GUCY2C: variants seen among roughly 807,000 people sequenced by gnomAD.
GUCY2C encodes the protein guanylate cyclase 2C.
A neutral mutation model predicts 131.1 loss-of-function variants in GUCY2C; 118 were observed. The observed-to-expected ratio is 0.90, with a 90% confidence interval of 0.78 to 1.05. GUCY2C has a LOEUF of 1.05. Ranked by LOEUF, GUCY2C falls within the 50% of genes least tolerant of loss-of-function variation. The pLI is 0.00. For synonymous variants in GUCY2C, 452 were observed against 457.8 expected, an observed-to-expected ratio of 0.99 and a Z score of 0.16; for missense variants, 1,161 against 1,304.4, an observed-to-expected ratio of 0.89 and a Z score of 1.69.
intron 24 of GUCY2C, among the ~76,000 whole-genome samples, chr12:14,617,562 A>T (rs1028011093): frequency 6.6e-6 from 1 of 152,082 alleles, no homozygotes; most frequent in African/African-American, 2.4e-5. Context: ...AGGGGTCTTG[A>T]TTTTCTCAAA....
intron 6 of GUCY2C, among the ~76,000 whole-genome samples, chr12:14,679,361 C>T: frequency 6.6e-6 from 1 of 152,156 alleles, no homozygotes; most frequent in Admixed American, 6.5e-5. Flanking sequence ...TGACCATAGC[C>T]AGCCAGGATT....
At chr12:14,651,186 C>T (rs1402013321) in intron 15 of GUCY2C, among the ~76,000 whole-genome samples, 1 of 152,108 alleles carries the variant, frequency 6.6e-6, no homozygotes, top group African/African-American at 2.4e-5. Flanking sequence ...TCTCTGTTTA[C>T]TCCCCTCCCC....
At position 14,625,350 on chromosome 12, in the gene GUCY2C, C is replaced by T. The variant is rs573184643; in HGVS notation, c.2408+407G>A. ...GCATTTTTTTTTTTTTTTTTTGAGA[C>T]GGAGTCTTGCTCTGTCACCCAGGCT... On this transcript the variant is annotated intron_variant, in intron 21 of 26. Coordinates refer to ENST00000261170, the MANE Select transcript of GUCY2C (RefSeq NM_004963.4). Among the ~76,000 whole-genome samples, 154 of 137,646 alleles carry T rather than the reference C, an allele frequency of 1.1e-3. 2 individuals carry two copies. The highest frequency in any genetic ancestry group is 2.7e-3 in the South Asian group (12 of 4,410). The allele number at this position is 137,646 out of a possible 152,430, so 90.3% of individuals were successfully genotyped here.
intron 3 of GUCY2C, 71 bp from the exon 4 acceptor site, chr12:14,683,328 T>C (rs1948389681): frequency 1.1e-6 from 1 of 927,598 alleles, no homozygotes; most frequent in Non-Finnish European, 1.7e-6. Flanking sequence ...GATCCCTCTT[T>C]AACCTGTTTC....
At chr12:14,694,617 C>T (rs247330) in intron 1 of GUCY2C, among the ~76,000 whole-genome samples, 152,290 of 152,324 alleles carry the variant, frequency 1, 76,128 homozygotes, top group Non-Finnish European at 1. Context: ...AATAAGGGGA[C>T]TTCACTAAAT....
chr12:14,617,919 C>G (rs1056773989), intron 24 of GUCY2C, among the ~76,000 whole-genome samples: 2 of 152,136 alleles, frequency 1.3e-5, no homozygotes, highest in African/African-American at 2.4e-5. Context: ...AATTGTAACC[C>G]AAGTCTGTCT....
intron 10 of GUCY2C, among the ~76,000 whole-genome samples, chr12:14,668,231 C>T (rs990276050): frequency 4.6e-5 from 7 of 151,944 alleles, no homozygotes; most frequent in African/African-American, 7.3e-5. Context: ...AGTGCAGTGG[C>T]GTGATCTTGG....
At chr12:14,634,700 T>C (rs1947224373) in intron 19 of GUCY2C, among the ~76,000 whole-genome samples, 2 of 152,174 alleles carry the variant, frequency 1.3e-5, no homozygotes, top group African/African-American at 4.8e-5. Context: ...GACCCAACTG[T>C]AGGCTGCCTA....
At chr12:14,620,172 G>A (rs1946863135) in intron 23 of GUCY2C, among the ~76,000 whole-genome samples, 1 of 152,106 alleles carries the variant, frequency 6.6e-6, no homozygotes, top group African/African-American at 2.4e-5. Flanking sequence ...TGCCTCTTAG[G>A]GGTCCCTACA....
chr12:14,683,280 A>T (rs145503149), intron 3 of GUCY2C, 23 bp from the exon 4 acceptor site: 8 of 1,501,236 alleles, frequency 5.3e-6, no homozygotes, highest in Non-Finnish European at 7.4e-6. Flanking sequence ...GTTGAGGAAA[A>T]AAGCCATTAT....
At chr12:14,643,445 A>G (rs953349702) in intron 17 of GUCY2C, 129 bp downstream of exon 17, 17 of 737,486 alleles carry the variant, frequency 2.3e-5, no homozygotes, top group African/African-American at 3.5e-5. Flanking sequence ...CTGGAGAATG[A>G]GCCAGCTGTT....
rs1452858782 is a variant in GUCY2C, at chr12:14,618,868, T to C, written c.2875+343A>G. Among the ~76,000 whole-genome samples, 3 of 151,958 alleles carry C rather than the reference T, an allele frequency of 2.0e-5. No individual in the cohort carries two copies. In the East Asian group the frequency reaches 5.8e-4, roughly 29 times the overall value. The stretch of plus-strand genomic sequence containing the variant: ...CAGGAATGTGAACCAGAGTGTGTAG[T>C]TCTTACCTTGCCTACTGATTTTTTT... On this transcript the variant is annotated intron_variant, in intron 24 of 26. Coordinates refer to ENST00000261170, the MANE Select transcript of GUCY2C (RefSeq NM_004963.4).
intron 24 of GUCY2C, 82 bp from the exon 25 acceptor site, chr12:14,616,809 C>G: frequency 1.3e-6 from 1 of 788,962 alleles, no homozygotes; most frequent in East Asian, 2.4e-5. Context: ...ATCAACAACA[C>G]CTGAGACAAG....
chr12:14,681,483 A>G lies in GUCY2C; in HGVS notation c.612-6T>C. 6.8e-7 allele frequency: 1 copy of G among 1,473,614 alleles called. No individual in the cohort carries two copies. The highest frequency in any genetic ancestry group is 9.0e-7 in the Non-Finnish European group (1 of 1,108,184). The allele number at this position is 1,473,614 out of a possible 1,614,324, so 91.3% of individuals were successfully genotyped here. ...CCTCCAGAGCATTAAGGTACCTGGA[A>G]TAGGAAAAAGAGAAACTAAAACAGC... On this transcript the variant is annotated splice_polypyrimidine_tract_variant and splice_region_variant and intron_variant, in intron 4 of 26. Coordinates refer to ENST00000261170, the MANE Select transcript of GUCY2C (RefSeq NM_004963.4).
chr12:14,616,953 G>T (rs2136971627), intron 24 of GUCY2C, among the ~76,000 whole-genome samples: 1 of 152,260 alleles, frequency 6.6e-6, no homozygotes, highest in South Asian at 2.1e-4. Flanking sequence ...TTAATCCCCA[G>T]TGCTGGAGTC....
intron 1 of GUCY2C, among the ~76,000 whole-genome samples, chr12:14,692,429 T>G (rs925367786): frequency 2.6e-5 from 4 of 152,214 alleles, no homozygotes. Context: ...GATATTTATT[T>G]TTTTTGATGA....
At chr12:14,628,497 AT>A in intron 20 of GUCY2C, 148 bp downstream of exon 20, 1 of 583,484 alleles carries the variant, frequency 1.7e-6, no homozygotes, top group Middle Eastern at 4.7e-4. Flanking sequence ...TAGTCTCCAT[AT>A]CATTTTAATG....
chr12:14,660,888 A>C (rs1382770082), intron 11 of GUCY2C, 93 bp downstream of exon 11: 1 of 805,314 alleles, frequency 1.2e-6, no homozygotes, highest in Non-Finnish European at 2.2e-6. Context: ...TTCTTTGTGA[A>C]TATTCATCAT....
At position 14,677,076 on chromosome 12, in the gene GUCY2C, A is replaced by AT. The variant is rs199705031; in HGVS notation, c.831-106dup. On this transcript the variant is annotated intron_variant, in intron 6 of 26. Coordinates refer to ENST00000261170, the MANE Select transcript of GUCY2C (RefSeq NM_004963.4). ...ATCATCATTGAAAATAGTTTAAAAC[A>AT]TTTTTTTTCATTAATCTGCAAAACT... The AT allele has an allele frequency of 1.6e-3, 639 of 400,086 alleles. 5 individuals carry two copies. Among genetic ancestry groups the AT allele is most frequent in the African/African-American group, 0.012 (556 of 48,282 alleles). 24.8% of individuals were successfully genotyped at this position (400,086 alleles called of 1,614,324 possible).
Sources: allele counts gnomAD v4.1 joint callset (sites outside exome capture counted in the v4.1 genomes callset), GRCh38; gene constraint gnomAD v4.1.1; transcripts MANE v1.5; gene names NCBI Gene and HGNC (gene_info 2026-07-23, HGNC 2026-07-21).